The following TATDN1 variants were observed in gnomAD, a reference collection of about 807,000 sequenced individuals.
The protein encoded by TATDN1 is TatD DNase domain containing 1, also known as deoxyribonuclease TATDN1.
In TATDN1, 40 loss-of-function variants were observed where a neutral mutation model predicts 46.4. That is an observed-to-expected ratio of 0.86 (90% confidence interval 0.67 to 1.12). The LOEUF (loss-of-function observed/expected upper bound fraction) is 1.12. Ranked by LOEUF, TATDN1 falls within the 50% of genes most tolerant of loss-of-function variation. The probability of loss-of-function intolerance (pLI) is 0.00; values close to 1 mark genes in which losing one functional copy is unlikely to be tolerated. For synonymous variants in TATDN1, 95 were observed against 105.6 expected, an observed-to-expected ratio of 0.90 and a Z score of 0.62; for missense variants, 326 against 348.4, an observed-to-expected ratio of 0.94 and a Z score of 0.51.
chr8:124,504,099 A>G (rs1378047501), intron 9 of TATDN1, 172 bp downstream of exon 9: 3 of 692,960 alleles, frequency 4.3e-6, no homozygotes, highest in African/African-American at 1.8e-5. Context: ...AACTTTTAAT[A>G]GTAATGTACT....
chr8:124,523,789 C>T (rs149726413), intron 1 of TATDN1, among the ~76,000 whole-genome samples: 149 of 151,928 alleles, frequency 9.8e-4, no homozygotes, highest in African/African-American at 3.5e-3. Context: ...AGTCTCCTGC[C>T]GATACTGAGG....
intron 1 of TATDN1, among the ~76,000 whole-genome samples, chr8:124,524,708 G>T (rs985059799): frequency 1.3e-5 from 2 of 152,198 alleles, no homozygotes; most frequent in Non-Finnish European, 2.9e-5. Flanking sequence ...TTTGCAGAAG[G>T]GGGAGGGACT....
At chr8:124,535,580 G>A (rs1821363069) in intron 1 of TATDN1, among the ~76,000 whole-genome samples, 1 of 152,278 alleles carries the variant, frequency 6.6e-6, no homozygotes, top group Non-Finnish European at 1.5e-5. Context: ...ATTGAAAAAA[G>A]CAGAGCACAA....
intron 1 of TATDN1, among the ~76,000 whole-genome samples, chr8:124,528,213 A>G (rs887556762): frequency 6.6e-6 from 1 of 151,848 alleles, no homozygotes; most frequent in African/African-American, 2.4e-5. Flanking sequence ...TCGCTCTGTC[A>G]CCCAGGCTGG....
intron 6 of TATDN1, among the ~76,000 whole-genome samples, chr8:124,511,601 C>T (rs188614514): frequency 1.3e-5 from 2 of 152,078 alleles, no homozygotes; most frequent in Non-Finnish European, 2.9e-5. Context: ...AAAGGATAAA[C>T]TTTCCATAAG....
chr8:124,499,931 G>A (rs1389063033), intron 9 of TATDN1, among the ~76,000 whole-genome samples: 7 of 150,472 alleles, frequency 4.7e-5, no homozygotes, highest in African/African-American at 9.8e-5. Flanking sequence ...TGAAACCTCC[G>A]CCTCCTGGGT....
chr8:124,495,776 C>T (rs1367747158), intron 9 of TATDN1, among the ~76,000 whole-genome samples: 2 of 152,156 alleles, frequency 1.3e-5, no homozygotes, highest in Non-Finnish European at 2.9e-5. Flanking sequence ...AGTTGGTTTC[C>T]AATAGCGTTC....
At chr8:124,504,023 G>C in intron 9 of TATDN1, 1 of 1,055,482 alleles carries the variant, frequency 9.5e-7, no homozygotes, top group African/African-American at 1.6e-5. Context: ...GCCAGCTGCA[G>C]ATCTCAACAC....
chr8:124,497,628 C>G (rs1817588068), intron 9 of TATDN1, among the ~76,000 whole-genome samples: 1 of 152,100 alleles, frequency 6.6e-6, no homozygotes, highest in African/African-American at 2.4e-5. Context: ...GTACCATCTA[C>G]AGGCTGGATA....
At chr8:124,524,900 G>C (rs779719085) in intron 1 of TATDN1, among the ~76,000 whole-genome samples, 4 of 152,114 alleles carry the variant, frequency 2.6e-5, no homozygotes, top group Non-Finnish European at 5.9e-5. Flanking sequence ...TTGAGGATTT[G>C]AGATCTGGGA....
intron 6 of TATDN1, among the ~76,000 whole-genome samples, chr8:124,514,034 A>G (rs745608769): frequency 6.6e-6 from 1 of 152,226 alleles, no homozygotes; most frequent in African/African-American, 2.4e-5. Context: ...CAAATAATAT[A>G]CCACAAACTA....
intron 9 of TATDN1, among the ~76,000 whole-genome samples, chr8:124,500,434 C>T (rs72713071): frequency 0.087 from 13,263 of 152,062 alleles, 648 homozygotes; most frequent in East Asian, 0.16. Context: ...GAGCCAGGTA[C>T]GGTGGCTCAT....
intron 1 of TATDN1, among the ~76,000 whole-genome samples, chr8:124,528,424 C>T (rs1820688340): frequency 6.6e-6 from 1 of 152,192 alleles, no homozygotes; most frequent in East Asian, 1.9e-4. Flanking sequence ...CCTCCCGCCT[C>T]GGCCTCCCAG....
chr8:124,522,010 T>A lies in TATDN1; in HGVS notation c.138+141A>T, dbSNP rs1046546527. The A allele has an allele frequency of 1.2e-5, 7 of 570,358 alleles. No individual in the cohort carries two copies. The African/African-American group carries it at 1.4e-4, about 11-fold the overall frequency. The allele number at this position is 570,358 out of a possible 1,614,324, so 35.3% of individuals were successfully genotyped here. ...AGAGTATTTTGATATTTTGTTTCAA[T>A]TAACTTTCTAATATCACAAGTAGAC... On this transcript the variant is annotated intron_variant, in intron 3 of 11. Transcript: ENST00000276692.
At chr8:124,520,932 G>T (rs1230719435) in intron 3 of TATDN1, among the ~76,000 whole-genome samples, 1 of 124,304 alleles carries the variant, frequency 8.0e-6, no homozygotes, top group Non-Finnish European at 1.6e-5. Flanking sequence ...GACAGAGCGA[G>T]ACTCCGTCTC....
At chr8:124,511,685 G>A (rs1378622252) in intron 6 of TATDN1, among the ~76,000 whole-genome samples, 2 of 151,440 alleles carry the variant, frequency 1.3e-5, no homozygotes, top group Non-Finnish European at 2.9e-5. Context: ...TTCCAGAAAA[G>A]GTCTAGGTAC....
intron 1 of TATDN1, among the ~76,000 whole-genome samples, chr8:124,531,803 G>A (rs549607423): frequency 6.6e-6 from 1 of 152,292 alleles, no homozygotes; most frequent in East Asian, 1.9e-4. Context: ...GGTGGGGCAA[G>A]AGCTGGAGAG....
At chr8:124,493,986 A>G (rs1238102870) in intron 10 of TATDN1, 27 bp from the exon 11 acceptor site, 2 of 1,576,882 alleles carry the variant, frequency 1.3e-6, no homozygotes, top group African/African-American at 2.7e-5. Flanking sequence ...AGTGTCTCGT[A>G]AGGGGTTTAC....
At chr8:124,525,140 AATCTT>A (rs1338080121) in intron 1 of TATDN1, among the ~76,000 whole-genome samples, 1 of 151,890 alleles carries the variant, frequency 6.6e-6, no homozygotes, top group African/African-American at 2.4e-5. Context: ...GCATCATCCT[AATCTT>A]TTTTTTATTT....
Sources: gnomAD v4.1 joint callset for allele counts (sites outside exome capture counted in the v4.1 genomes callset) on GRCh38, gnomAD v4.1.1 for gene constraint, MANE v1.5 for transcripts, NCBI Gene and HGNC (gene_info 2026-07-23, HGNC 2026-07-21) for gene names.